Variants in IL1RAPL2 observed in about 807,000 individuals in gnomAD.
The protein encoded by IL1RAPL2 is X-linked interleukin-1 receptor accessory protein-like 2.
IL1RAPL2 carries 3 observed loss-of-function variants against 44.1 expected under a neutral mutation model. The observed-to-expected ratio is 0.07, with a 90% CI of 0.03 to 0.18. The LOEUF (loss-of-function observed/expected upper bound fraction) is 0.18, where lower values mean the gene tolerates loss of function less well. Among genes scored for constraint, IL1RAPL2 ranks in the 10% least tolerant of loss-of-function variants. The pLI, the probability that IL1RAPL2 is intolerant of heterozygous loss-of-function variation, is 1.00. For missense variants in IL1RAPL2, 391 were observed against 496.4 expected, an observed-to-expected ratio of 0.79 and a Z score of 2.02; for synonymous variants, 181 against 178.8, an observed-to-expected ratio of 1.01 and a Z score of -0.10.
chrX:104,684,876 G>A (rs1185425588), intron 2 of IL1RAPL2, among the ~76,000 whole-genome samples: 1 of 112,220 alleles, frequency 8.9e-6, no homozygotes, highest in African/African-American at 3.2e-5. Context: ...AAAAAGCTGT[G>A]GCAGCACTGT....
chrX:105,166,838 T>G (rs1243183293), intron 2 of IL1RAPL2, among the ~76,000 whole-genome samples: 1 of 111,784 alleles, frequency 8.9e-6, no homozygotes, highest in Non-Finnish European at 1.9e-5. Context: ...GACTTACATT[T>G]GAGGCTGTAC....
intron 5 of IL1RAPL2, among the ~76,000 whole-genome samples, chrX:105,423,154 A>G (rs2035784827): frequency 8.9e-6 from 1 of 111,843 alleles, no homozygotes; most frequent in South Asian, 3.7e-4. Context: ...AACACGGTGC[A>G]AAGAAAACTA....
At chrX:105,457,559 C>G (rs771678085) in intron 5 of IL1RAPL2, among the ~76,000 whole-genome samples, 1 of 109,899 alleles carries the variant, frequency 9.1e-6, no homozygotes, top group African/African-American at 3.3e-5. Context: ...CAAGCTCCAT[C>G]ATGTTATAGC....
At chrX:105,546,558 G>A (rs2036801939) in intron 6 of IL1RAPL2, among the ~76,000 whole-genome samples, 1 of 110,776 alleles carries the variant, frequency 9.0e-6, no homozygotes, top group Non-Finnish European at 1.9e-5. Context: ...ATATATCTAT[G>A]GGACAAGTAC....
chrX:105,040,383 A>G (rs1341672363), intron 2 of IL1RAPL2, among the ~76,000 whole-genome samples: 1 of 111,485 alleles, frequency 9.0e-6, no homozygotes, highest in African/African-American at 3.3e-5. Flanking sequence ...TATGAGGATG[A>G]TGCTGGCCTC....
chrX:105,353,095 A>G (rs1193918534), intron 5 of IL1RAPL2, among the ~76,000 whole-genome samples: 1 of 111,129 alleles, frequency 9.0e-6, no homozygotes, highest in African/African-American at 3.3e-5. Flanking sequence ...ATCCATCTTG[A>G]ATTAATTTTT....
intron 1 of IL1RAPL2, among the ~76,000 whole-genome samples, chrX:104,570,839 T>C (rs926019218): frequency 2.7e-5 from 3 of 112,370 alleles, no homozygotes; most frequent in Non-Finnish European, 5.6e-5. Context: ...CTCTTGAGTT[T>C]CAAAATGCTT....
chrX:105,160,874 T>G (rs2147594858), intron 2 of IL1RAPL2, among the ~76,000 whole-genome samples: 1 of 111,716 alleles, frequency 9.0e-6, no homozygotes, highest in Non-Finnish European at 1.9e-5. Flanking sequence ...GCGCTTCTGG[T>G]CAAGACATGA....
At chrX:104,927,666 C>A (rs903952484) in intron 2 of IL1RAPL2, among the ~76,000 whole-genome samples, 2 of 111,966 alleles carry the variant, frequency 1.8e-5, no homozygotes, top group Non-Finnish European at 3.8e-5. Context: ...AAATCCCTTT[C>A]CTTCTAGTCT....
chrX:105,555,150 A>G (rs1322622740), intron 6 of IL1RAPL2, among the ~76,000 whole-genome samples: 5 of 107,560 alleles, frequency 4.6e-5, no homozygotes, highest in Non-Finnish European at 9.6e-5. Context: ...GACAAAGATT[A>G]AGGAGTTTCC....
chrX:105,653,000 T>C (rs1019135071), intron 6 of IL1RAPL2, among the ~76,000 whole-genome samples: 2 of 111,378 alleles, frequency 1.8e-5, no homozygotes, highest in Non-Finnish European at 3.8e-5. Context: ...ATCTACTGTA[T>C]ACAAATACTG....
At chrX:105,432,185 A>G (rs1204275064) in intron 5 of IL1RAPL2, among the ~76,000 whole-genome samples, 2 of 98,203 alleles carry the variant, frequency 2.0e-5, no homozygotes, top group African/African-American at 7.8e-5. Context: ...TCCCACCACA[A>G]CAATCACATC....
chrX:105,049,369 G>A (rs1213231984), intron 2 of IL1RAPL2, among the ~76,000 whole-genome samples: 3 of 111,525 alleles, frequency 2.7e-5, no homozygotes, highest in African/African-American at 9.8e-5. Context: ...AGCAACATTC[G>A]TTTTTACCCC....
chrX:104,572,761 G>A (rs763767884), intron 1 of IL1RAPL2, among the ~76,000 whole-genome samples: 10 of 109,728 alleles, frequency 9.1e-5, no homozygotes, highest in East Asian at 8.5e-4. Flanking sequence ...CACCATGCCC[G>A]GCTAATTTTT....
Position 104,896,427 on chromosome X carries a change from G to A in IL1RAPL2, c.82+237432G>A, listed in dbSNP as rs186031215. On this transcript the variant is annotated intron_variant, in intron 2 of 10. Coordinates refer to ENST00000372582, the MANE Select transcript of IL1RAPL2 (RefSeq NM_017416.2). ...CCCCTTCTTTGCCCCTATCCAGCAG[G>A]AAGTAGCTAGAGCAGTCATCACCCA... Among the ~76,000 whole-genome samples, 120 of 111,592 alleles carry A rather than the reference G, an allele frequency of 1.1e-3. 1 individual carries two copies. The highest frequency in any genetic ancestry group is 3.9e-3 in the African/African-American group (119 of 30,709).
chrX:105,020,170 G>A (rs1252387180), intron 2 of IL1RAPL2, among the ~76,000 whole-genome samples: 1 of 110,193 alleles, frequency 9.1e-6, no homozygotes, highest in African/African-American at 3.3e-5. Context: ...GATTGGTGGG[G>A]GGGAGGGTCT....
chrX:105,741,848 T>C (rs964336153), intron 8 of IL1RAPL2, among the ~76,000 whole-genome samples: 2 of 111,536 alleles, frequency 1.8e-5, no homozygotes, highest in Admixed American at 9.5e-5. Flanking sequence ...GGATTAATAA[T>C]ACCTACCTTG....
intron 6 of IL1RAPL2, among the ~76,000 whole-genome samples, chrX:105,531,231 G>C (rs762443327): frequency 2.6e-4 from 29 of 111,615 alleles, no homozygotes; most frequent in African/African-American, 8.4e-4. Context: ...TCTGTATTTT[G>C]GATATAAGCC....
chrX:105,731,497 G>T (rs920780777), intron 7 of IL1RAPL2, among the ~76,000 whole-genome samples: 2 of 110,663 alleles, frequency 1.8e-5, no homozygotes, highest in Non-Finnish European at 3.8e-5. Flanking sequence ...GTATCTCAAA[G>T]GCATACCTGA....
Sources: gnomAD v4.1 joint callset for allele counts (sites outside exome capture counted in the v4.1 genomes callset) on GRCh38, gnomAD v4.1.1 for gene constraint, MANE v1.5 for transcripts, NCBI Gene and HGNC (gene_info 2026-07-23, HGNC 2026-07-21) for gene names.